The following ICAM5 variants were observed in gnomAD, a reference collection of about 807,000 sequenced individuals.
ICAM5 encodes the protein ICAM-5.
Under a neutral mutation model 78.8 loss-of-function variants are expected in ICAM5, and 38 were observed. That is an observed-to-expected ratio of 0.48 (90% CI 0.37 to 0.63). ICAM5 has a LOEUF of 0.63. ICAM5 is among the 30% of genes least tolerant of loss of function. ICAM5 has a pLI of 0.00. For missense variants in ICAM5, 1,059 were observed against 1,303.0 expected (o/e 0.81, Z 2.88); for synonymous variants, 544 against 590.9 (o/e 0.92, Z 1.15).
Position 10,293,773 on chromosome 19 carries a change from G to A in ICAM5, c.1541G>A (p.Cys514Tyr). The change falls in exon 7 of 11, where the codon TGT becomes TAT. Residue 514 changes from cysteine to tyrosine, a missense_variant. Physicochemically the swap from Cys to Tyr is radical, Grantham distance 194. Around this residue, in one of 3 missense-constraint regions of ICAM5, gnomAD observed 815 missense variants for 952.8 expected, o/e 0.86. Coordinates refer to ENST00000221980, the MANE Select transcript of ICAM5 (RefSeq NM_003259.4). The surrounding 1 kb of genome is among the most constrained non-coding windows in gnomAD (Gnocchi z 5.0). The part of the protein sequence containing the change: ...WLEGTEASLS[C>Y]VAHGVPPPDV... Reference sequence around the variant, plus strand: ...GAGGGAACAGAAGCCTCGCTGAGCTGTGTGGCGCACGGGGTACCGCCGCCT... The same window carrying A: ...GAGGGAACAGAAGCCTCGCTGAGCTATGTGGCGCACGGGGTACCGCCGCCT... 1 of 1,613,942 alleles carries A rather than the reference G, an allele frequency of 6.2e-7. No individual in the cohort carries two copies. Among genetic ancestry groups the A allele is most frequent in the Non-Finnish European group, 8.5e-7 (1 of 1,180,028 alleles).
rs1372406189 is a variant in ICAM5 at position 10,290,113 on chromosome 19, T to A, written c.70T>A (p.Phe24Ile). ...CTGGGCTGCTCTGGGCCTGGGGCTCTTCGGCCTCTCAGGTAAGAGCCCCGC... is the reference window on the plus strand; with the variant it reads ...CTGGGCTGCTCTGGGCCTGGGGCTCATCGGCCTCTCAGGTAAGAGCCCCGC... ...GLWAALGLGLFGLSAVSQEPF... is the reference protein window; with the variant it reads ...GLWAALGLGLIGLSAVSQEPF... The change falls in exon 1 of 11, where the codon TTC becomes ATC. Residue 24 changes from phenylalanine to isoleucine, a missense_variant. Phe to Ile is a conservative substitution (Grantham distance 21, BLOSUM62 0). This residue lies in a region of ICAM5 where 815 missense variants were observed against 952.8 expected (regional missense o/e 0.86). Transcript: ENST00000221980. This position sits in a 1 kb window ranked among gnomAD's most constrained non-coding sequence, Gnocchi z 5.7. 1.3e-6 allele frequency: 2 copies of A among 1,532,254 alleles called. No individual in the cohort carries two copies. Among genetic ancestry groups the A allele is most frequent in the Non-Finnish European group, 1.8e-6 (2 of 1,138,280 alleles). The allele number at this position is 1,532,254 out of a possible 1,614,324, so 94.9% of individuals were successfully genotyped here.
rs2040184928 is a variant in ICAM5 at position 10,292,729 on chromosome 19, C to T, written c.1079C>T (p.Ala360Val). The T allele has an allele frequency of 1.2e-6, 2 of 1,613,258 alleles. No individual in the cohort carries two copies. Among genetic ancestry groups the T allele is most frequent in the African/African-American group, 1.3e-5 (1 of 74,904 alleles). Residue 360 changes from alanine (A) to valine (V), a missense_variant, in exon 5 of 11, where the codon GCG becomes GTG. Ala to Val is a moderately conservative substitution (Grantham distance 64, BLOSUM62 0). This residue lies in a region of ICAM5 where 815 missense variants were observed against 952.8 expected (regional missense o/e 0.86). Coordinates refer to ENST00000221980, the MANE Select transcript of ICAM5 (RefSeq NM_003259.4). ...GTCACACTGGAGGGAGTTCCAGCCG[C>T]GGTCCCGGGGCAGCCCGCCCAGCTT... ...ALVTLEGVPA[A>V]VPGQPAQLQL...
Position 10,294,720 on chromosome 19 carries a change from C to G in ICAM5, c.2230+80C>G. 1 of 1,586,058 alleles carries G rather than the reference C, an allele frequency of 6.3e-7. No individual in the cohort carries two copies. Among genetic ancestry groups the G allele is most frequent in the Non-Finnish European group, 8.6e-7 (1 of 1,166,118 alleles). ...CAGCGGTGGGAGCATTCAAGGGCAC[C>G]TCTCCCAATCCCATTCTCGGGGACA... On this transcript the variant is annotated intron_variant, in intron 9 of 10. Coordinates refer to ENST00000221980, the MANE Select transcript of ICAM5 (RefSeq NM_003259.4). The surrounding 1 kb of genome is among the most constrained non-coding windows in gnomAD (Gnocchi z 7.7).
In ICAM5 at chr19:10,292,297, G is replaced by T. The variant is rs562610488; in HGVS notation, c.936G>T (p.Glu312Asp). 5.0e-6 allele frequency: 8 copies of T among 1,608,806 alleles called. No individual in the cohort carries two copies. The Admixed American group carries it at 1.2e-4, about 24-fold the overall frequency. The stretch of plus-strand genomic sequence containing the variant: ...TCACCCTGGGGGGCGAAAACCGGGA[G>T]ACCCGGGAGAACGTGACCATCTACA... ...CNVTLGGENR[E>D]TRENVTIYSF... The change falls in exon 4 of 11, where the codon GAG becomes GAT. Residue 312 changes from glutamate to aspartate, a missense_variant. Around this residue, in one of 3 missense-constraint regions of ICAM5, gnomAD observed 815 missense variants for 952.8 expected, o/e 0.86. Transcript: ENST00000221980.
chr19:10,292,427 G>GA (rs2040181749), intron 4 of ICAM5, 105 bp downstream of exon 4: 1 of 1,348,086 alleles, frequency 7.4e-7, no homozygotes, highest in Non-Finnish European at 1.0e-6. Flanking sequence ...GGCGTGGCCC[G>GA]AGGGGCGGGG....
At chr19:10,292,945 G>A (rs2040187232) in intron 5 of ICAM5, 53 bp from the exon 6 acceptor site, 8 of 1,608,176 alleles carry the variant, frequency 5.0e-6, no homozygotes, top group Middle Eastern at 1.7e-4. Flanking sequence ...GTGTCGTGGA[G>A]GCGGAGCCAT....
Position 10,291,319 on chromosome 19 carries a change from G to A in ICAM5, c.330G>A (p.Ala110=). Reference sequence around the variant, plus strand: ...GCTGCGCGCGGCGCACACTACAGGCGCGTGGGCTCATTCGCACTTTCCGTG... The same window carrying A: ...GCTGCGCGCGGCGCACACTACAGGCACGTGGGCTCATTCGCACTTTCCGTG... The part of the protein sequence containing the change: ...FFRCARRTLQ[A]RGLIRTFQRP... The change falls in exon 2 of 11, where the codon GCG becomes GCA. Residue 110 remains alanine, a synonymous_variant. Coordinates refer to ENST00000221980, the MANE Select transcript of ICAM5 (RefSeq NM_003259.4). 1.2e-6 allele frequency: 2 copies of A among 1,609,712 alleles called. No individual in the cohort carries two copies. The highest frequency in any genetic ancestry group is 1.7e-6 in the Non-Finnish European group (2 of 1,177,632).
At chr19:10,292,439 A>C (rs2145028704) in intron 4 of ICAM5, 117 bp downstream of exon 4, 1 of 1,335,802 alleles carries the variant, frequency 7.5e-7, no homozygotes, top group Non-Finnish European at 1.0e-6. Context: ...GGGGCGGGGC[A>C]GGTGGGGGCG....
chr19:10,290,339 T>C lies in ICAM5; in HGVS notation c.82+214T>C, dbSNP rs544327117. On this transcript the variant is annotated intron_variant, in intron 1 of 10. Transcript: ENST00000221980. This position sits in a 1 kb window ranked among gnomAD's most constrained non-coding sequence, Gnocchi z 5.7. ...TCGATAGCCCCTACCCGCTTCGAGA[T>C]CCTAGGTGTTCTTCCGCACCCAACC... 42 of 490,930 alleles carry C rather than the reference T, an allele frequency of 8.6e-5. No homozygotes were observed. The highest frequency in any genetic ancestry group is 8.1e-4 in the African/African-American group (40 of 49,518). 30.4% of individuals were successfully genotyped at this position (490,930 alleles called of 1,614,324 possible).
rs2040170546 is a variant in ICAM5 at position 10,291,353 on chromosome 19, G to A, written c.352+12G>A. On this transcript the variant is annotated intron_variant, in intron 2 of 10. Transcript: ENST00000221980. ...CATTCGCACTTTCCGTGAGTTCTGG[G>A]TGGCCACGCGCGTACTCCACTACTC... The A allele has an allele frequency of 1.9e-6, 3 of 1,606,140 alleles. No homozygotes were observed. Among genetic ancestry groups the A allele is most frequent in the Admixed American group, 3.3e-5 (2 of 59,836 alleles).
In ICAM5 at chr19:10,290,823, C is replaced by T. The variant is rs2040164935; in HGVS notation, c.83-249C>T. 1 of 581,244 alleles carries T rather than the reference C, an allele frequency of 1.7e-6. No homozygotes were observed. 36.0% of individuals were successfully genotyped at this position (581,244 alleles called of 1,614,324 possible). A position where few individuals can be genotyped will look rare whatever the true frequency, so the allele number is the denominator to read the frequency against. The stretch of plus-strand genomic sequence containing the variant: ...TCTACGCCCTCCCCCCATGCTTTCC[C>T]GCCGCTCCATCGGCGCTTTGGAGAC... On this transcript the variant is annotated intron_variant, in intron 1 of 10. Transcript: ENST00000221980. The surrounding 1 kb of genome is among the most constrained non-coding windows in gnomAD (Gnocchi z 5.7).
chr19:10,296,566 G>C lies in ICAM5; in HGVS notation c.2725G>C (p.Glu909Gln), dbSNP rs1480453474. The change falls in exon 11 of 11, where the codon GAG (glutamate) becomes CAG (glutamine). Residue 909 changes from glutamate (E) to glutamine (Q), a missense_variant. By Grantham distance (29) the Glu-to-Gln change is conservative. Coordinates refer to ENST00000221980, the MANE Select transcript of ICAM5 (RefSeq NM_003259.4). ...GGPEAAGGAA[E>Q]SPAEGEVFAI... is the part of the protein sequence containing the mutation. Reference sequence around the variant, plus strand: ...ACCCGAGGCGGCGGGGGGCGCGGCCGAGTCGCCGGCGGAGGGCGAGGTCTT... The same window carrying C: ...ACCCGAGGCGGCGGGGGGCGCGGCCCAGTCGCCGGCGGAGGGCGAGGTCTT... 41 of 1,219,228 alleles carry C rather than the reference G, an allele frequency of 3.4e-5. No individual in the cohort carries two copies. The East Asian group carries it at 1.2e-3, about 37-fold the overall frequency. The allele number at this position is 1,219,228 out of a possible 1,614,324, so 75.5% of individuals were successfully genotyped here.
chr19:10,296,598 A>G lies in ICAM5; in HGVS notation c.2757A>G (p.Ile919Met). The change falls in exon 11 of 11, where the codon ATA (isoleucine) becomes ATG (methionine). Residue 919 changes from isoleucine (I) to methionine (M), a missense_variant. By Grantham distance (10) the Ile-to-Met change is conservative. Around this residue, in one of 3 missense-constraint regions of ICAM5, gnomAD observed 109 missense variants for 120.0 expected, o/e 0.91. Coordinates refer to ENST00000221980, the MANE Select transcript of ICAM5 (RefSeq NM_003259.4). ...CGGCGGAGGGCGAGGTCTTCGCCAT[A>G]CAGCTGACATCGGCGTGAGCCCGCT... ...ESPAEGEVFA[I>M]QLTSA The G allele has an allele frequency of 8.2e-7, 1 of 1,213,674 alleles. No individual in the cohort carries two copies. Among genetic ancestry groups the G allele is most frequent in the Non-Finnish European group, 1.0e-6 (1 of 970,654 alleles). The allele number at this position is 1,213,674 out of a possible 1,614,324, so 75.2% of individuals were successfully genotyped here.
Position 10,290,162 on chromosome 19 carries a change from G to A in ICAM5, c.82+37G>A, listed in dbSNP as rs1307460357. ...GCTCTGGTTCGGGGTGGACAGGGCG[G>A]GGGCGGAGTCCCTGGACCTGAGAAA... On this transcript the variant is annotated intron_variant, in intron 1 of 10. Coordinates refer to ENST00000221980, the MANE Select transcript of ICAM5 (RefSeq NM_003259.4). The surrounding 1 kb of genome is among the most constrained non-coding windows in gnomAD (Gnocchi z 5.7). 2 of 1,435,698 alleles carry A rather than the reference G, an allele frequency of 1.4e-6. No individual in the cohort carries two copies. Among genetic ancestry groups the A allele is most frequent in the Non-Finnish European group, 1.9e-6 (2 of 1,077,904 alleles). 88.9% of individuals were successfully genotyped at this position (1,435,698 alleles called of 1,614,324 possible).
At position 10,295,612 on chromosome 19, in the gene ICAM5, G is replaced by A; in HGVS notation, c.2497G>A (p.Gly833Ser). ...HARRITVRVA[G>S]PWLWVAVGGA... The stretch of plus-strand genomic sequence containing the variant: ...GCGGCGCATCACGGTGCGCGTGGCC[G>A]GTAAGTGGCAGCTGGGGAGAGGCGG... Residue 833 changes from glycine to serine, a missense_variant and splice_region_variant, in exon 10 of 11, where the codon GGT (glycine) becomes AGT (serine). Around this residue, in one of 3 missense-constraint regions of ICAM5, gnomAD observed 135 missense variants for 230.2 expected, o/e 0.59. Coordinates refer to ENST00000221980, the MANE Select transcript of ICAM5 (RefSeq NM_003259.4). 1 of 1,539,966 alleles carries A rather than the reference G, an allele frequency of 6.5e-7. No homozygotes were observed. Among genetic ancestry groups the A allele is most frequent in the Non-Finnish European group, 8.7e-7 (1 of 1,144,968 alleles).
At chr19:10,292,426 C>A (rs2040181652) in intron 4 of ICAM5, 104 bp downstream of exon 4, 2 of 1,311,690 alleles carry the variant, frequency 1.5e-6, no homozygotes, top group Non-Finnish European at 2.1e-6. Context: ...AGGCGTGGCC[C>A]GAGGGGCGGG....
chr19:10,296,246 T>G, intron 10 of ICAM5, 93 bp from the exon 11 acceptor site: 19 of 1,160,442 alleles, frequency 1.6e-5, no homozygotes, highest in Admixed American at 4.2e-5. Flanking sequence ...CCCCGGGGCA[T>G]GAGGACTGAC....
In ICAM5 at chr19:10,294,257, C is replaced by T; in HGVS notation, c.1929C>T (p.Tyr643=). The T allele has an allele frequency of 1.2e-6, 2 of 1,613,886 alleles. No homozygotes were observed. Among genetic ancestry groups the T allele is most frequent in the Admixed American group, 1.7e-5 (1 of 60,002 alleles). Residue 643 remains tyrosine (Y), a synonymous_variant, in exon 8 of 11, where the codon TAC becomes TAT. Coordinates refer to ENST00000221980, the MANE Select transcript of ICAM5 (RefSeq NM_003259.4). The surrounding 1 kb of genome is among the most constrained non-coding windows in gnomAD (Gnocchi z 7.7). The part of the protein sequence containing the change: ...RIPRVLAPGI[Y]VCNATNRHGS... ...CTAGAGTCCTGGCACCCGGTATCTA[C>T]GTCTGCAACGCCACCAACCGCCACG...
rs1483736528 is a variant in ICAM5, at chr19:10,290,132, G to T, written c.82+7G>T. 7 of 1,514,690 alleles carry T rather than the reference G, an allele frequency of 4.6e-6. No homozygotes were observed. The East Asian group carries it at 1.8e-4, about 39-fold the overall frequency. 93.8% of individuals were successfully genotyped at this position (1,514,690 alleles called of 1,614,324 possible). ...GGGCTCTTCGGCCTCTCAGGTAAGA[G>T]CCCCGCTCTGGTTCGGGGTGGACAG... On this transcript the variant is annotated splice_region_variant and intron_variant, in intron 1 of 10. Transcript: ENST00000221980. The surrounding 1 kb of genome is among the most constrained non-coding windows in gnomAD (Gnocchi z 5.7).
Sources: allele counts gnomAD v4.1 joint callset, GRCh38; gene constraint gnomAD v4.1.1; regional missense constraint gnomAD v4.1.1; non-coding constraint Gnocchi (gnomAD v3.1); transcripts MANE v1.5; gene names NCBI Gene and HGNC (gene_info 2026-07-23, HGNC 2026-07-21).